Variants in SREBF1 observed in about 807,000 individuals in gnomAD.
SREBF1 encodes the protein sterol regulatory element-binding protein 1.
Under a neutral mutation model 100.1 loss-of-function variants are expected in SREBF1, and 45 were observed. That is an observed-to-expected ratio of 0.45 (90% CI 0.35 to 0.58). SREBF1 has a LOEUF of 0.58. Ranked by LOEUF, SREBF1 falls within the 20% of genes least tolerant of loss-of-function variation. The pLI, the probability that SREBF1 is intolerant of heterozygous loss-of-function variation, is 0.00. For missense variants in SREBF1, 1,324 were observed against 1,539.4 expected, an observed-to-expected ratio of 0.86 and a Z score of 2.34; for synonymous variants, 657 against 681.8, an observed-to-expected ratio of 0.96 and a Z score of 0.57.
At chr17:17,826,519 T>A (rs1450777213) in intron 1 of SREBF1, among the ~76,000 whole-genome samples, 1 of 152,158 alleles carries the variant, frequency 6.6e-6, no homozygotes, top group African/African-American at 2.4e-5. Context: ...ACACACACTC[T>A]GAACACAGGA....
At chr17:17,836,664 C>A in intron 1 of SREBF1, 63 bp downstream of exon 1, 1 of 1,485,412 alleles carries the variant, frequency 6.7e-7, no homozygotes, top group South Asian at 1.2e-5. Context: ...GCCAGGGAGA[C>A]ACCTGCGCGC....
At chr17:17,825,347 G>A (rs2034418599) in intron 1 of SREBF1, among the ~76,000 whole-genome samples, 1 of 152,178 alleles carries the variant, frequency 6.6e-6, no homozygotes, top group Admixed American at 6.5e-5. Context: ...GGGAGAGGGC[G>A]GTTGCTCTCT....
At chr17:17,829,191 T>TAAAAAAAAA (rs1253225038) in intron 1 of SREBF1, among the ~76,000 whole-genome samples, 16 of 44,930 alleles carry the variant, frequency 3.6e-4, no homozygotes, top group African/African-American at 1.8e-3. Flanking sequence ...GACTCCATCT[T>TAAAAAAAAA]AAAAAAAAAA....
chr17:17,836,128 C>T (rs1016803638), intron 1 of SREBF1, among the ~76,000 whole-genome samples: 1 of 152,240 alleles, frequency 6.6e-6, no homozygotes, highest in Non-Finnish European at 1.5e-5. Context: ...GAGGGGGTAC[C>T]CAGGTCTGTC....
intron 6 of SREBF1, 63 bp downstream of exon 6, chr17:17,818,197 G>A: frequency 7.5e-7 from 1 of 1,339,078 alleles, no homozygotes; most frequent in Non-Finnish European, 1.1e-6. Context: ...ATGGGGTGGG[G>A]CCGGGAGGTG....
At chr17:17,823,496 G>C (rs1008630389) in intron 1 of SREBF1, 2 of 1,570,738 alleles carry the variant, frequency 1.3e-6, no homozygotes, top group South Asian at 2.2e-5. Context: ...TAAAGGGCTG[G>C]TGGGGAGGCC....
rs764595232 is a variant in SREBF1, at chr17:17,815,985, C to T, written c.2258G>A (p.Ser753Asn). The change falls in exon 12 of 19, where the codon AGT (serine) becomes AAT (asparagine). Residue 753 changes from serine to asparagine, a missense_variant. By Grantham distance (46) the Ser-to-Asn change is conservative. Coordinates refer to ENST00000261646, the MANE Select transcript of SREBF1 (RefSeq NM_004176.5). ...CTGCATGGCAGGAGGCACTGAGCCACTCTGTGCCAGGCAGGCCTGGCGGGC... is the reference window on the plus strand; with the variant it reads ...CTGCATGGCAGGAGGCACTGAGCCATTCTGTGCCAGGCAGGCCTGGCGGGC... ...SSARQACLAQSGSVPPAMQWL... is the reference protein window; with the variant it reads ...SSARQACLAQNGSVPPAMQWL... 6.2e-7 allele frequency: 1 copy of T among 1,612,872 alleles called. No individual in the cohort carries two copies. Among genetic ancestry groups the T allele is most frequent in the Non-Finnish European group, 8.5e-7 (1 of 1,179,932 alleles).
chr17:17,813,853 CT>C (rs2143010189), intron 16 of SREBF1, 84 bp from the exon 17 acceptor site: 1 of 1,384,164 alleles, frequency 7.2e-7, no homozygotes, highest in African/African-American at 1.4e-5. Flanking sequence ...CAGGGGCCGG[CT>C]CCGGGCTGCA....
rs746519163 is a variant in SREBF1 at position 17,816,438 on chromosome 17, G to C, written c.2047+19C>G. The C allele has an allele frequency of 6.2e-7, 1 of 1,603,830 alleles. No individual in the cohort carries two copies. The highest frequency in any genetic ancestry group is 8.5e-7 in the Non-Finnish European group (1 of 1,176,308). On this transcript the variant is annotated intron_variant, in intron 10 of 18. Coordinates refer to ENST00000261646, the MANE Select transcript of SREBF1 (RefSeq NM_004176.5). ...GGCAGCAGGGAGCACCTCGGAGCCC[G>C]CCCCACGCTCAGTCCTACCCATGGT...
intron 1 of SREBF1, chr17:17,823,570 C>T (rs773938431): frequency 6.2e-7 from 1 of 1,613,490 alleles, no homozygotes; most frequent in Non-Finnish European, 8.5e-7. Flanking sequence ...TTGGGGCGTC[C>T]AGGCCGTTGG....
chr17:17,833,844 G>A lies in SREBF1; in HGVS notation c.91+2883C>T, dbSNP rs141086741. ...AATACAAAATTTAACCAGGCGTGGC[G>A]GTGCATGACTGTAATCCCAGCTACT... On this transcript the variant is annotated intron_variant, in intron 1 of 18. Coordinates refer to ENST00000261646, the MANE Select transcript of SREBF1 (RefSeq NM_004176.5). 8.9e-3 allele frequency among the ~76,000 whole-genome samples: 1,351 copies of A among 152,084 alleles called. 27 individuals are homozygous for A. Among genetic ancestry groups the A allele is most frequent in the African/African-American group, 0.03 (1,253 of 41,436 alleles).
In SREBF1 at chr17:17,813,481, TG is replaced by T; in HGVS notation, c.3103-3del. 6.3e-7 allele frequency: 1 copy of T among 1,596,652 alleles called. No individual in the cohort carries two copies. The highest frequency in any genetic ancestry group is 8.5e-7 in the Non-Finnish European group (1 of 1,171,828). ...GGCCGTGGCCTCATGTAGGAACACC[TG>T]GGGGCCAGGAGAGTGGAGGCTCAGG... is the stretch of plus-strand genomic sequence containing the variant. On this transcript the variant is annotated splice_region_variant and splice_polypyrimidine_tract_variant and intron_variant, in intron 17 of 18. Coordinates refer to ENST00000261646, the MANE Select transcript of SREBF1 (RefSeq NM_004176.5).
In SREBF1 at chr17:17,813,931, CCT is replaced by C. The variant is rs1190478787; in HGVS notation, c.2902-164_2902-163del. The C allele has an allele frequency of 3.8e-6, 3 of 793,188 alleles. No homozygotes were observed. In the Admixed American group the frequency reaches 7.8e-5, roughly 21 times the overall value. 49.1% of individuals were successfully genotyped at this position (793,188 alleles called of 1,614,324 possible). On this transcript the variant is annotated intron_variant, in intron 16 of 18. Coordinates refer to ENST00000261646, the MANE Select transcript of SREBF1 (RefSeq NM_004176.5). Reference sequence around the variant, plus strand: ...CAGCAATGCACCGCGGGGCCGCCCGCCTCTCTCGGCCCCCACACCCGCCACCG... The same window carrying C: ...CAGCAATGCACCGCGGGGCCGCCCGCCTCTCGGCCCCCACACCCGCCACCG...
intron 1 of SREBF1, among the ~76,000 whole-genome samples, chr17:17,827,295 C>T (rs551419210): frequency 4.6e-5 from 7 of 152,318 alleles, no homozygotes; most frequent in Admixed American, 2.0e-4. Context: ...TTGATCCCTG[C>T]ACTACAGACC....
intron 1 of SREBF1, among the ~76,000 whole-genome samples, chr17:17,825,119 T>G (rs1047116040): frequency 2.0e-5 from 3 of 152,198 alleles, no homozygotes; most frequent in Non-Finnish European, 4.4e-5. Context: ...GCCTGGTTCT[T>G]TCATTACTTT....
In SREBF1 at chr17:17,815,295, C is replaced by T; in HGVS notation, c.2418G>A (p.Arg806=). 6.2e-7 allele frequency: 1 copy of T among 1,613,656 alleles called. No individual in the cohort carries two copies. The highest frequency in any genetic ancestry group is 8.5e-7 in the Non-Finnish European group (1 of 1,179,988). The part of the protein sequence containing the change: ...DPLAQVTQLF[R]EHLLERALNC... ...TCAGTGCTCGCTCTAAGAGATGTTC[C>T]CGGAATAGCTGAGTCACCTGGGCCA... The change falls in exon 13 of 19, where the codon CGG becomes CGA. Residue 806 remains arginine (R), a synonymous_variant. Transcript: ENST00000261646.
rs1023235939 is a variant in SREBF1 at position 17,811,982 on chromosome 17, G to A, written c.*640C>T. 1.1e-5 allele frequency: 5 copies of A among 444,528 alleles called. No homozygotes were observed. The highest frequency in any genetic ancestry group is 7.4e-5 in the East Asian group (1 of 13,588). 27.5% of individuals were successfully genotyped at this position (444,528 alleles called of 1,614,324 possible). A position where few individuals can be genotyped will look rare whatever the true frequency, so the allele number is the denominator to read the frequency against. ...GTTAAAAGTTGTGTACCTTGTGGCC[G>A]GAGGGGGAGGGGAAGCCTTTCCCTA... On this transcript the variant is annotated 3_prime_UTR_variant, in exon 19 of 19. Coordinates refer to ENST00000261646, the MANE Select transcript of SREBF1 (RefSeq NM_004176.5).
rs745682611 is a variant in SREBF1 at position 17,814,653 on chromosome 17, C to T, written c.2697G>A (p.Pro899=). Residue 899 remains proline, a synonymous_variant, in exon 15 of 19, where the codon CCG becomes CCA. Coordinates refer to ENST00000261646, the MANE Select transcript of SREBF1 (RefSeq NM_004176.5). The part of the protein sequence containing the change: ...RDEEAAERLC[P]LVEHLPRVLQ... The stretch of plus-strand genomic sequence containing the variant: ...GCACCCGGGGCAGGTGCTCCACCAG[C>T]GGGCACAGCCGCTCAGCCGCCTCCT... 1.9e-5 allele frequency: 29 copies of T among 1,557,066 alleles called. No homozygotes were observed. The highest frequency in any genetic ancestry group is 1.2e-4 in the East Asian group (5 of 41,744).
intron 1 of SREBF1, among the ~76,000 whole-genome samples, chr17:17,836,298 T>G (rs1012763738): frequency 2.0e-5 from 3 of 152,238 alleles, no homozygotes; most frequent in African/African-American, 7.2e-5. Flanking sequence ...GACGCCGAGC[T>G]GAACTCTCGG....
Sources: gnomAD v4.1 joint callset for allele counts (sites outside exome capture counted in the v4.1 genomes callset) on GRCh38, gnomAD v4.1.1 for gene constraint, MANE v1.5 for transcripts, NCBI Gene and HGNC (gene_info 2026-07-23, HGNC 2026-07-21) for gene names.